The following MYO1D variants were observed in gnomAD, a reference collection of about 807,000 sequenced individuals.
MYO1D encodes myosin ID, also known as unconventional myosin-Id.
In MYO1D, 83 loss-of-function variants were observed where a neutral mutation model predicts 122.0. The ratio of observed to expected loss-of-function variants is 0.68; its 90% CI spans 0.57 to 0.82. The LOEUF is 0.82. Among genes scored for constraint, MYO1D ranks in the 40% least tolerant of loss-of-function variants. The pLI is 0.00. For missense variants in MYO1D, 1,157 were observed against 1,269.5 expected (o/e 0.91, Z 1.35); for synonymous variants, 464 against 446.9 (o/e 1.04, Z -0.48).
intron 21 of MYO1D, chr17:32,496,421 G>A (rs1239350352): frequency 6.6e-6 from 1 of 152,268 alleles, no homozygotes; most frequent in African/African-American, 2.4e-5. Flanking sequence ...GTCAGCTGCA[G>A]CTAAAACCTG....
intron 16 of MYO1D, among the ~76,000 whole-genome samples, chr17:32,665,017 CTA>C (rs2088618209): frequency 6.6e-6 from 1 of 152,164 alleles, no homozygotes; most frequent in African/African-American, 2.4e-5. Context: ...CTGCTGGACC[CTA>C]CACAGGCCAG....
At chr17:32,568,298 G>GTCA (rs1313719419) in intron 21 of MYO1D, among the ~76,000 whole-genome samples, 1 of 151,008 alleles carries the variant, frequency 6.6e-6, no homozygotes, top group Non-Finnish European at 1.5e-5. Context: ...TCAAAAAATT[G>GTCA]TCATTGGAAA....
intron 21 of MYO1D, chr17:32,499,064 T>A (rs938409557): frequency 6.6e-6 from 1 of 151,918 alleles, no homozygotes; most frequent in African/African-American, 2.4e-5. Flanking sequence ...TAGCCGGGTG[T>A]GGTGGTGGGT....
At chr17:32,869,080 G>A (rs2091156143) in intron 1 of MYO1D, among the ~76,000 whole-genome samples, 1 of 151,658 alleles carries the variant, frequency 6.6e-6, no homozygotes, top group Non-Finnish European at 1.5e-5. Context: ...TTAGCTGGGA[G>A]TGGTGGTACG....
intron 1 of MYO1D, among the ~76,000 whole-genome samples, chr17:32,822,510 CTTCG>C (rs2090678069): frequency 6.7e-6 from 1 of 149,880 alleles, no homozygotes; most frequent in Non-Finnish European, 1.5e-5. Context: ...CGCGCCGCTT[CTTCG>C]GTTCCCGCCT....
At position 32,663,670 on chromosome 17, in the gene MYO1D, G is replaced by A. The variant is rs542719369; in HGVS notation, c.2122-4332C>T. On this transcript the variant is annotated intron_variant, in intron 16 of 21. Transcript: ENST00000318217. ...TTGATATATCAGAGGCAGGAAAGAT[G>A]GCAAACCTTGCCTACTCTTCTTGCT... Among the ~76,000 whole-genome samples, 3 of 152,280 alleles carry A rather than the reference G, an allele frequency of 2.0e-5. No homozygotes were observed. The East Asian group carries it at 5.8e-4, about 29-fold the overall frequency.
At chr17:32,851,382 A>G (rs1268088018) in intron 1 of MYO1D, among the ~76,000 whole-genome samples, 1 of 152,180 alleles carries the variant, frequency 6.6e-6, no homozygotes, top group Non-Finnish European at 1.5e-5. Flanking sequence ...TGTTCCATCA[A>G]TGATCAACTC....
At chr17:32,671,215 G>C (rs114558841) in intron 16 of MYO1D, among the ~76,000 whole-genome samples, 1 of 152,212 alleles carries the variant, frequency 6.6e-6, no homozygotes, top group African/African-American at 2.4e-5. Flanking sequence ...TTCCCCTGGG[G>C]GTAATATGCC....
At chr17:32,774,834 A>G (rs376388601) in intron 4 of MYO1D, among the ~76,000 whole-genome samples, 7 of 152,368 alleles carry the variant, frequency 4.6e-5, no homozygotes, top group African/African-American at 1.7e-4. Flanking sequence ...TTATATGGCC[A>G]TAAAGGATGC....
chr17:32,809,772 C>G (rs1050280566), intron 1 of MYO1D, among the ~76,000 whole-genome samples: 1 of 152,172 alleles, frequency 6.6e-6, no homozygotes, highest in Non-Finnish European at 1.5e-5. Context: ...GGCACTCATG[C>G]AGAGTTTCTG....
intron 1 of MYO1D, among the ~76,000 whole-genome samples, chr17:32,850,403 C>G (rs1489759796): frequency 6.6e-6 from 1 of 152,198 alleles, no homozygotes; most frequent in East Asian, 1.9e-4. Flanking sequence ...AACTACTGCA[C>G]TACTCTTTCA....
chr17:32,592,731 A>G (rs62068381), intron 21 of MYO1D, among the ~76,000 whole-genome samples: 68,203 of 149,066 alleles, frequency 0.46, 16,231 homozygotes, highest in Middle Eastern at 0.57. Flanking sequence ...GATATAACTT[A>G]TGTAAAGTAC....
chr17:32,540,741 C>G (rs1328828470), intron 21 of MYO1D, among the ~76,000 whole-genome samples: 1 of 151,938 alleles, frequency 6.6e-6, no homozygotes, highest in Non-Finnish European at 1.5e-5. Context: ...GCCTGGACAA[C>G]ATGGTGAAAC....
rs148966804 is a variant in MYO1D, at chr17:32,829,958, G to A, written c.95+46820C>T. 3.3e-4 allele frequency among the ~76,000 whole-genome samples: 50 copies of A among 152,202 alleles called. 1 individual carries two copies. The East Asian group carries it at 7.1e-3, about 22-fold the overall frequency. On this transcript the variant is annotated intron_variant, in intron 1 of 21. Transcript: ENST00000318217. ...AATTCACATATCATCAAATTTTCCA[G>A]GTAACTGAAGCTTAGCCCTAGAGTC...
intron 21 of MYO1D, chr17:32,531,565 G>A (rs1910508653): frequency 1.3e-5 from 2 of 152,212 alleles, no homozygotes; most frequent in African/African-American, 4.8e-5. Context: ...TAAGAATGTT[G>A]TTGGAAAAAG....
chr17:32,698,410 A>T (rs1049226609), intron 16 of MYO1D, among the ~76,000 whole-genome samples: 7 of 147,966 alleles, frequency 4.7e-5, no homozygotes, highest in Non-Finnish European at 1.0e-4. Flanking sequence ...TAAGGACAAA[A>T]GTAATCAATT....
chr17:32,652,499 A>G (rs531929413), intron 19 of MYO1D, among the ~76,000 whole-genome samples: 2 of 152,230 alleles, frequency 1.3e-5, no homozygotes, highest in East Asian at 1.9e-4. Flanking sequence ...TCTTGGATCA[A>G]CCTAGTTAAT....
intron 1 of MYO1D, among the ~76,000 whole-genome samples, chr17:32,817,178 C>T (rs1209706383): frequency 1.3e-5 from 2 of 152,174 alleles, no homozygotes; most frequent in Non-Finnish European, 2.9e-5. Flanking sequence ...ATTCTCCCAC[C>T]TCGGCCTCTC....
chr17:32,850,592 G>A (rs1204499526), intron 1 of MYO1D, among the ~76,000 whole-genome samples: 1 of 152,140 alleles, frequency 6.6e-6, no homozygotes, highest in East Asian at 1.9e-4. Flanking sequence ...TAATTCCTCT[G>A]ATTAAACACT....
Sources: gnomAD v4.1 joint callset for allele counts (sites outside exome capture counted in the v4.1 genomes callset) on GRCh38, gnomAD v4.1.1 for gene constraint, MANE v1.5 for transcripts, NCBI Gene and HGNC (gene_info 2026-07-23, HGNC 2026-07-21) for gene names.